SH3RF3: variants seen among roughly 807,000 people sequenced by gnomAD.
SH3RF3 encodes the protein SH3 domain containing ring finger 3.
SH3RF3 carries 29 observed loss-of-function variants against 66.3 expected under a neutral mutation model. The observed-to-expected ratio is 0.44, with a 90% CI of 0.33 to 0.60. The LOEUF (loss-of-function observed/expected upper bound fraction) is 0.60. SH3RF3 is among the 20% of genes least tolerant of loss of function. The pLI is 0.04. For missense variants in SH3RF3, 1,194 were observed against 1,190.9 expected (o/e 1.00, Z -0.04); for synonymous variants, 583 against 532.0 (o/e 1.10, Z -1.32).
At position 109,138,448 on chromosome 2, in the gene SH3RF3, C is replaced by G. The variant is rs767574830; in HGVS notation, c.573+8335C>G. Among the ~76,000 whole-genome samples the G allele has an allele frequency of 3.9e-4, 59 of 152,234 alleles. 1 individual carries two copies. Among genetic ancestry groups the G allele is most frequent in the Non-Finnish European group, 7.3e-4 (50 of 68,050 alleles). On this transcript the variant is annotated intron_variant, in intron 1 of 9. Coordinates refer to ENST00000309415, the MANE Select transcript of SH3RF3 (RefSeq NM_001099289.3). ...AAAGAAAGGACAGTTGCTGTTGTTG[C>G]TGGGACTTCAAGGCTGTTGTAAAAA...
At chr2:109,207,674 T>A (rs1040065380) in intron 1 of SH3RF3, among the ~76,000 whole-genome samples, 22 of 152,172 alleles carry the variant, frequency 1.4e-4, no homozygotes, top group African/African-American at 5.3e-4. Flanking sequence ...CCTATAGAAT[T>A]TGGAAAGCTA....
chr2:109,187,993 C>T (rs550206913), intron 1 of SH3RF3, among the ~76,000 whole-genome samples: 3 of 152,304 alleles, frequency 2.0e-5, no homozygotes, highest in South Asian at 2.1e-4. Flanking sequence ...GGGGGCACAG[C>T]GGGGGTTGCC....
intron 7 of SH3RF3, among the ~76,000 whole-genome samples, chr2:109,443,295 T>G (rs1677619625): frequency 6.6e-6 from 1 of 152,226 alleles, no homozygotes; most frequent in African/African-American, 2.4e-5. Context: ...TCAAATACTG[T>G]CCAACTGGCC....
At chr2:109,193,243 G>T (rs1036732229) in intron 1 of SH3RF3, among the ~76,000 whole-genome samples, 7 of 152,162 alleles carry the variant, frequency 4.6e-5, no homozygotes, top group South Asian at 4.1e-4. Flanking sequence ...AGAGAAATAG[G>T]TTCCTGTCAT....
At chr2:109,294,837 G>A (rs1681272010) in intron 1 of SH3RF3, among the ~76,000 whole-genome samples, 2 of 152,198 alleles carry the variant, frequency 1.3e-5, no homozygotes, top group African/African-American at 4.8e-5. Context: ...CTGCCCCAGA[G>A]CTGGGCATCT....
intron 3 of SH3RF3, among the ~76,000 whole-genome samples, chr2:109,371,958 C>T (rs1683282550): frequency 6.6e-6 from 1 of 152,178 alleles, no homozygotes; most frequent in Admixed American, 6.5e-5. Context: ...TGTGCACCTT[C>T]CCCGTTTTCT....
At chr2:109,293,111 C>T (rs1166291758) in intron 1 of SH3RF3, among the ~76,000 whole-genome samples, 1 of 152,208 alleles carries the variant, frequency 6.6e-6, no homozygotes, top group Non-Finnish European at 1.5e-5. Flanking sequence ...CGCCATGACA[C>T]TGCAGGGGAC....
chr2:109,346,191 T>C (rs1682692267), intron 1 of SH3RF3, among the ~76,000 whole-genome samples: 4 of 152,244 alleles, frequency 2.6e-5, no homozygotes, highest in Non-Finnish European at 5.9e-5. Flanking sequence ...GATTTTTTTT[T>C]TCTCTTCGAG....
intron 9 of SH3RF3, among the ~76,000 whole-genome samples, chr2:109,498,717 A>G (rs1372198394): frequency 6.6e-6 from 1 of 152,228 alleles, no homozygotes; most frequent in Non-Finnish European, 1.5e-5. Context: ...TATGTGAGCC[A>G]CACTTGGAGC....
chr2:109,202,398 T>C (rs1203001581), intron 1 of SH3RF3, among the ~76,000 whole-genome samples: 1 of 152,202 alleles, frequency 6.6e-6, no homozygotes, highest in South Asian at 2.1e-4. Flanking sequence ...GACACCTAAT[T>C]GCCCGAACTT....
chr2:109,439,270 G>A (rs889301000), intron 7 of SH3RF3, among the ~76,000 whole-genome samples: 7 of 152,182 alleles, frequency 4.6e-5, no homozygotes, highest in Non-Finnish European at 8.8e-5. Context: ...TGAGGCACGG[G>A]ATGGTTAAAC....
At chr2:109,433,452 A>C (rs1051628818) in intron 6 of SH3RF3, among the ~76,000 whole-genome samples, 1 of 152,198 alleles carries the variant, frequency 6.6e-6, no homozygotes, top group Non-Finnish European at 1.5e-5. Context: ...TGAGATGAGG[A>C]TCCACAGCTT....
Position 109,437,139 on chromosome 2 carries a change from T to G in SH3RF3, c.1821T>G (p.Ile607Met). The change falls in exon 7 of 10, where the codon ATT becomes ATG. Residue 607 changes from isoleucine to methionine, a missense_variant. Transcript: ENST00000309415. Reference protein sequence around the residue: ...QPTASQARSTISTAAHSAAQA... With the variant: ...QPTASQARSTMSTAAHSAAQA... ...CGGCCAGCCAAGCCCGGAGCACCAT[T>G]TCAACAGGTACCTTCACAGGGGCCT... The G allele has an allele frequency of 6.2e-7, 1 of 1,610,150 alleles. No homozygotes were observed.
chr2:109,340,249 G>A (rs535212388), intron 1 of SH3RF3, among the ~76,000 whole-genome samples: 19 of 152,182 alleles, frequency 1.2e-4, no homozygotes, highest in Middle Eastern at 3.4e-3. Flanking sequence ...ATTTCCTATC[G>A]GTAAAGTGCA....
intron 8 of SH3RF3, among the ~76,000 whole-genome samples, chr2:109,475,286 T>A (rs750044281): frequency 6.6e-6 from 1 of 152,218 alleles, no homozygotes; most frequent in Non-Finnish European, 1.5e-5. Context: ...TTCAGTATTA[T>A]CTTAAATCTC....
At chr2:109,337,941 C>T (rs573418500) in intron 1 of SH3RF3, among the ~76,000 whole-genome samples, 65 of 152,066 alleles carry the variant, frequency 4.3e-4, no homozygotes, top group Non-Finnish European at 4.9e-4. Flanking sequence ...CACGTTACCC[C>T]GGCTGGTCTG....
intron 4 of SH3RF3, among the ~76,000 whole-genome samples, chr2:109,402,487 C>T (rs563974551): frequency 6.3e-4 from 96 of 152,328 alleles, no homozygotes; most frequent in Admixed American, 2.7e-3. Context: ...GCACTGCCAT[C>T]GTGGGAAACG....
intron 2 of SH3RF3, among the ~76,000 whole-genome samples, chr2:109,365,981 G>C (rs1683144725): frequency 6.6e-6 from 1 of 152,108 alleles, no homozygotes. Flanking sequence ...CATGCTGCTT[G>C]CTTTCTTCCT....
At chr2:109,339,367 G>T (rs1384561977) in intron 1 of SH3RF3, among the ~76,000 whole-genome samples, 1 of 152,088 alleles carries the variant, frequency 6.6e-6, no homozygotes. Flanking sequence ...GTTGAAATAA[G>T]GACCTACAAG....
Sources: allele counts gnomAD v4.1 joint callset (sites outside exome capture counted in the v4.1 genomes callset), GRCh38; gene constraint gnomAD v4.1.1; transcripts MANE v1.5; gene names NCBI Gene and HGNC (gene_info 2026-07-23, HGNC 2026-07-21).